RUVBL2: variants seen among roughly 807,000 people sequenced by gnomAD.
The protein encoded by RUVBL2 is RuvB like AAA ATPase 2.
In RUVBL2, 9 loss-of-function variants were observed where a neutral mutation model predicts 57.9. That is an observed-to-expected ratio of 0.16 (90% CI 0.09 to 0.27). RUVBL2 has a LOEUF of 0.27. Among genes scored for constraint, RUVBL2 ranks in the 10% least tolerant of loss-of-function variants. The pLI is 1.00. For synonymous variants in RUVBL2, 278 were observed against 264.6 expected, an observed-to-expected ratio of 1.05 and a Z score of -0.49; for missense variants, 456 against 669.6, an observed-to-expected ratio of 0.68 and a Z score of 3.52.
At chr19:49,007,204 C>G in intron 5 of RUVBL2, 57 bp downstream of exon 5, 1 of 1,608,952 alleles carries the variant, frequency 6.2e-7, no homozygotes, top group Admixed American at 1.7e-5. Flanking sequence ...CAACCCCGCA[C>G]CCCGGGCGGC....
intron 1 of RUVBL2, among the ~76,000 whole-genome samples, chr19:48,998,438 T>C (rs2039107501): frequency 6.6e-6 from 1 of 152,044 alleles, no homozygotes; most frequent in African/African-American, 2.4e-5. Context: ...TTCACACCTG[T>C]AATCCCAGCA....
Position 49,009,755 on chromosome 19 carries a change from C to G in RUVBL2, c.463-21C>G, listed in dbSNP as rs550733471. 10 of 1,608,624 alleles carry G rather than the reference C, an allele frequency of 6.2e-6. No individual in the cohort carries two copies. In the Admixed American group the frequency reaches 1.0e-4, roughly 16 times the overall value. On this transcript the variant is annotated intron_variant, in intron 6 of 14. Coordinates refer to ENST00000595090, the MANE Select transcript of RUVBL2 (RefSeq NM_006666.3). ...TCAGGGCCCTCTCTGAGCCCCATCC[C>G]TGGCTTGTCCCCACTCTCAGGGCTC...
intron 6 of RUVBL2, among the ~76,000 whole-genome samples, chr19:49,008,402 G>T (rs190163063): frequency 6.7e-6 from 1 of 149,310 alleles, no homozygotes; most frequent in South Asian, 2.1e-4. Context: ...CACCACGCCC[G>T]GCTAATTTTT....
intron 2 of RUVBL2, 138 bp downstream of exon 2, chr19:48,999,511 C>G (rs568271054): frequency 2.4e-6 from 2 of 834,258 alleles, no homozygotes; most frequent in Admixed American, 2.0e-5. Flanking sequence ...TTCCCCCACT[C>G]GCCCTATCTA....
At chr19:48,996,542 T>TGTGTGTGTG in intron 1 of RUVBL2, among the ~76,000 whole-genome samples, 1 of 107,766 alleles carries the variant, frequency 9.3e-6, no homozygotes, top group South Asian at 2.7e-4. Context: ...GTGTGTGTGT[T>TGTGTGTGTG]AGTGATAGAG....
intron 6 of RUVBL2, among the ~76,000 whole-genome samples, chr19:49,008,896 T>G (rs1353341329): frequency 6.6e-6 from 1 of 151,612 alleles, no homozygotes; most frequent in Non-Finnish European, 1.5e-5. Context: ...GGAGAATCGC[T>G]TGAATCTGGG....
intron 2 of RUVBL2, among the ~76,000 whole-genome samples, chr19:49,001,163 A>AT (rs546503511): frequency 0.1 from 13,814 of 137,240 alleles, 723 homozygotes; most frequent in Admixed American, 0.13. Context: ...AAATAAAAAC[A>AT]TTTTTTTTTT....
At position 49,012,186 on chromosome 19, in the gene RUVBL2, A is replaced by C. The variant is rs116741403; in HGVS notation, c.1001+876A>C. 9.8e-3 allele frequency among the ~76,000 whole-genome samples: 1,488 copies of C among 152,276 alleles called. 15 individuals carry two copies. Among genetic ancestry groups the C allele is most frequent in the African/African-American group, 0.03 (1,240 of 41,550 alleles). On this transcript the variant is annotated intron_variant, in intron 11 of 14. Transcript: ENST00000595090. ...GCTCCAGCCCTGCAGCCTTGGGCCC[A>C]GCTGAAACTGGGCGGTTGGGATGGG...
At chr19:48,999,430 G>C in intron 2 of RUVBL2, 57 bp downstream of exon 2, 2 of 1,581,942 alleles carry the variant, frequency 1.3e-6, no homozygotes, top group Non-Finnish European at 1.7e-6. Flanking sequence ...TGCCCTGACA[G>C]AGCAAACCTA....
rs2039294097 is a variant in RUVBL2, at chr19:49,007,010, C to T, written c.266-8C>T. ...CGGCTTCACCTACACAGACTGCCTC[C>T]TTCCCAGGCATGGCGCAGGCCCTGG... On this transcript the variant is annotated splice_region_variant and splice_polypyrimidine_tract_variant and intron_variant, in intron 4 of 14. Coordinates refer to ENST00000595090, the MANE Select transcript of RUVBL2 (RefSeq NM_006666.3). 1.2e-6 allele frequency: 2 copies of T among 1,612,424 alleles called. No homozygotes were observed. Among genetic ancestry groups the T allele is most frequent in the Non-Finnish European group, 1.7e-6 (2 of 1,179,648 alleles).
chr19:49,007,448 G>GGGCTGCAGTGCAGTA, intron 6 of RUVBL2, 80 bp downstream of exon 6: 1 of 1,290,916 alleles, frequency 7.7e-7, no homozygotes, highest in East Asian at 2.3e-5. Flanking sequence ...GGTCTGCACT[G>GGGCTGCAGTGCAGTA]AGGTCAGAAT....
rs375183561 is a variant in RUVBL2 at position 49,011,239 on chromosome 19, C to A, written c.930C>A (p.Ser310=). The change falls in exon 11 of 15, where the codon TCC becomes TCA. Residue 310 remains serine (S), a synonymous_variant. Coordinates refer to ENST00000595090, the MANE Select transcript of RUVBL2 (RefSeq NM_006666.3). This position sits in a 1 kb window ranked among gnomAD's most constrained non-coding sequence, Gnocchi z 4.4. The stretch of plus-strand genomic sequence containing the variant: ...ACATGCTGGACATCGAGAGCTTCTC[C>A]TTCCTCAACCGGGCCCTGGAGAGTG... The part of the protein sequence containing the change: ...EVHMLDIESF[S]FLNRALESDM... The A allele has an allele frequency of 6.2e-7, 1 of 1,613,948 alleles. No homozygotes were observed.
rs182485301 is a variant in RUVBL2, at chr19:49,004,468, C to T, written c.265+50C>T. 1.7e-3 allele frequency: 2,702 copies of T among 1,556,410 alleles called. 8 individuals carry two copies. The highest frequency in any genetic ancestry group is 2.1e-3 in the Non-Finnish European group (2,443 of 1,145,042). On this transcript the variant is annotated intron_variant, in intron 4 of 14. Transcript: ENST00000595090. The stretch of plus-strand genomic sequence containing the variant: ...CTCTCCTGTTTCCTGCTAAATAACT[C>T]CTCCTGTGTAAGTCAGGGTCAGGAT...
At chr19:48,997,628 CAAAAAA>C (rs34730869) in intron 1 of RUVBL2, among the ~76,000 whole-genome samples, 3 of 108,730 alleles carry the variant, frequency 2.8e-5, no homozygotes, top group African/African-American at 9.0e-5. Flanking sequence ...GACTATGTCT[CAAAAAA>C]AAAAAAAAAA....
intron 6 of RUVBL2, among the ~76,000 whole-genome samples, chr19:49,007,829 C>G (rs747517763): frequency 6.6e-6 from 1 of 151,996 alleles, no homozygotes; most frequent in East Asian, 1.9e-4. Context: ...CTCAGCCTTC[C>G]GAGTAGCTGA....
chr19:49,006,899 A>T (rs77189609), intron 4 of RUVBL2, 119 bp from the exon 5 acceptor site: 15 of 1,340,098 alleles, frequency 1.1e-5, no homozygotes, highest in Non-Finnish European at 1.5e-5. Context: ...AAGTCCTTAC[A>T]TGTAGGATGG....
rs11558798 is a variant in RUVBL2 at position 49,004,389 on chromosome 19, C to T, written c.236C>T (p.Pro79Leu). 12 of 1,612,938 alleles carry T rather than the reference C, an allele frequency of 7.4e-6. No homozygotes were observed. The highest frequency in any genetic ancestry group is 1.7e-5 in the Admixed American group (1 of 59,950). Residue 79 changes from proline to leucine, a missense_variant, in exon 4 of 15, where the codon CCG (proline) becomes CTG (leucine). Physicochemically the swap from Pro to Leu is moderately conservative, Grantham distance 98. Transcript: ENST00000595090. ...CGGGCAGTCCTTATTGCTGGCCAGC[C>T]GGGCACGGGGAAGACGGCCATCGCC... ...AGRAVLIAGQ[P>L]GTGKTAIAMG...
intron 4 of RUVBL2, among the ~76,000 whole-genome samples, chr19:49,006,365 A>G (rs555493645): frequency 1.3e-5 from 2 of 152,354 alleles, no homozygotes; most frequent in East Asian, 3.9e-4. Flanking sequence ...CAGCCACCCC[A>G]GGCCACCGGC....
chr19:48,994,016 G>A lies in RUVBL2; in HGVS notation c.12+93G>A. On this transcript the variant is annotated intron_variant, in intron 1 of 14. Transcript: ENST00000595090. ...GAGGCCCTGACTCCTGGGTCTGAGG[G>A]AGGGGGGATCTGGGGGTTCAGACTC... The A allele has an allele frequency of 3.3e-6, 5 of 1,514,112 alleles. No homozygotes were observed. In the South Asian group the frequency reaches 5.7e-5, roughly 17 times the overall value. The allele number at this position is 1,514,112 out of a possible 1,614,324, so 93.8% of individuals were successfully genotyped here.
Sources: gnomAD v4.1 joint callset for allele counts (sites outside exome capture counted in the v4.1 genomes callset) on GRCh38, gnomAD v4.1.1 for gene constraint, Gnocchi (gnomAD v3.1) non-coding constraint, MANE v1.5 for transcripts, NCBI Gene and HGNC (gene_info 2026-07-23, HGNC 2026-07-21) for gene names.